The following C1QTNF6 variants were observed in gnomAD, a reference collection of about 807,000 sequenced individuals.
The protein encoded by C1QTNF6 is C1q and TNF related 6.
In C1QTNF6, 17 loss-of-function variants were observed where a neutral mutation model predicts 20.7. The ratio of observed to expected loss-of-function variants is 0.82; its 90% CI spans 0.56 to 1.23. The LOEUF is 1.23. Ranked by LOEUF, C1QTNF6 falls within the 50% of genes most tolerant of loss-of-function variation. C1QTNF6 has a pLI of 0.00. For missense variants in C1QTNF6, 329 were observed against 389.7 expected (o/e 0.84, Z 1.31); for synonymous variants, 130 against 156.3 (o/e 0.83, Z 1.25).
chr22:37,188,573 G>C (rs1007251073), upstream of C1QTNF6: 11 of 202,484 alleles, frequency 5.4e-5, no homozygotes, highest in South Asian at 3.2e-4. Context: ...CTCAGGAAGG[G>C]GGAGGCAGCC....
chr22:37,187,693 C>T (rs934839695), intron 1 of C1QTNF6, among the ~76,000 whole-genome samples: 1 of 51,010 alleles, frequency 2.0e-5, no homozygotes, highest in Non-Finnish European at 4.4e-5. Context: ...TTGGCCCCAG[C>T]GGATGGGAGT....
chr22:37,182,898 G>C, intron 2 of C1QTNF6, 163 bp from the exon 3 acceptor site: 1 of 1,435,398 alleles, frequency 7.0e-7, no homozygotes. Context: ...CCACATGCCT[G>C]CCTAAAGAAA....
upstream of C1QTNF6, among the ~76,000 whole-genome samples, chr22:37,192,338 A>T (rs1392338591): frequency 2.0e-5 from 3 of 152,202 alleles, no homozygotes; most frequent in Non-Finnish European, 4.4e-5. Context: ...AAACCTGGTA[A>T]GTAAGCAGTT....
chr22:37,182,919 C>G, intron 2 of C1QTNF6, 184 bp from the exon 3 acceptor site: 4 of 1,433,114 alleles, frequency 2.8e-6, no homozygotes, highest in Non-Finnish European at 3.6e-6. Flanking sequence ...ACATCATGAC[C>G]GTCTTCACTT....
upstream of C1QTNF6, among the ~76,000 whole-genome samples, chr22:37,193,260 C>T (rs939235197): frequency 5.3e-5 from 8 of 152,210 alleles, no homozygotes; most frequent in Non-Finnish European, 1.2e-4. Flanking sequence ...TAACACAATA[C>T]AAAACAGAGC....
At chr22:37,199,029 C>A (rs1456364907), upstream of C1QTNF6, among the ~76,000 whole-genome samples, 1 of 152,258 alleles carries the variant, frequency 6.6e-6, no homozygotes, top group Non-Finnish European at 1.5e-5. Flanking sequence ...AGCGCCAGCT[C>A]CGCGCCAGGC....
At position 37,182,152 on chromosome 22, in the gene C1QTNF6, C is replaced by G; in HGVS notation, c.*36G>C. ...GCCCTGCAGGGGACGGGACCAGCAC[C>G]TGAGCTCTCCAGCCGGGAGGGTGGC... is the stretch of plus-strand genomic sequence containing the variant. On this transcript the variant is annotated 3_prime_UTR_variant, in exon 3 of 3. Coordinates refer to ENST00000337843, the MANE Select transcript of C1QTNF6 (RefSeq NM_031910.4). The G allele has an allele frequency of 6.3e-7, 1 of 1,579,426 alleles. No individual in the cohort carries two copies. Among genetic ancestry groups the G allele is most frequent in the Non-Finnish European group, 8.6e-7 (1 of 1,161,472 alleles).
At chr22:37,187,623 G>T (rs2145771968) in intron 1 of C1QTNF6, among the ~76,000 whole-genome samples, 1 of 152,192 alleles carries the variant, frequency 6.6e-6, no homozygotes, top group African/African-American at 2.4e-5. Flanking sequence ...GCCTGCATGG[G>T]ATGGGAAGGA....
intron 1 of C1QTNF6, among the ~76,000 whole-genome samples, chr22:37,186,884 C>A (rs1329253609): frequency 1.3e-5 from 2 of 152,082 alleles, no homozygotes; most frequent in Non-Finnish European, 2.9e-5. Flanking sequence ...AAATGCCACC[C>A]TGTCTCAGCT....
intron 1 of C1QTNF6, chr22:37,196,772 A>T (rs1321352716): frequency 6.6e-6 from 1 of 152,256 alleles, no homozygotes; most frequent in Non-Finnish European, 1.5e-5. Context: ...GAGTGGGGAT[A>T]TATTTAAATC....
rs1168543390 is a variant in C1QTNF6, at chr22:37,182,152, C to T, written c.*36G>A. On this transcript the variant is annotated 3_prime_UTR_variant, in exon 3 of 3. Coordinates refer to ENST00000337843, the MANE Select transcript of C1QTNF6 (RefSeq NM_031910.4). The stretch of plus-strand genomic sequence containing the variant: ...GCCCTGCAGGGGACGGGACCAGCAC[C>T]TGAGCTCTCCAGCCGGGAGGGTGGC... The T allele has an allele frequency of 6.3e-7, 1 of 1,579,426 alleles. No homozygotes were observed. Among genetic ancestry groups the T allele is most frequent in the Non-Finnish European group, 8.6e-7 (1 of 1,161,472 alleles).
chr22:37,185,084 C>T, intron 2 of C1QTNF6, 134 bp downstream of exon 2: 1 of 1,421,986 alleles, frequency 7.0e-7, no homozygotes, highest in Non-Finnish European at 9.2e-7. Flanking sequence ...TGGAACAGAC[C>T]AGGCTCACAT....
chr22:37,192,145 C>T (rs957514445), upstream of C1QTNF6, among the ~76,000 whole-genome samples: 1 of 152,200 alleles, frequency 6.6e-6, no homozygotes, highest in Admixed American at 6.5e-5. Context: ...TAACTTGAAA[C>T]AATCCTTTAA....
At chr22:37,194,315 A>G (rs1925007109) in intron 2 of C1QTNF6, among the ~76,000 whole-genome samples, 1 of 152,224 alleles carries the variant, frequency 6.6e-6, no homozygotes, top group African/African-American at 2.4e-5. Flanking sequence ...AAAAATTCAT[A>G]GCACTAAGTA....
chr22:37,188,779 G>A (rs1169236802), upstream of C1QTNF6, among the ~76,000 whole-genome samples: 1 of 152,202 alleles, frequency 6.6e-6, no homozygotes, highest in African/African-American at 2.4e-5. Context: ...CACATGGGAG[G>A]GCTTAACCCA....
chr22:37,192,804 T>A (rs572219133), upstream of C1QTNF6, among the ~76,000 whole-genome samples: 1 of 152,292 alleles, frequency 6.6e-6, no homozygotes, highest in East Asian at 1.9e-4. Context: ...AGACAGAAGA[T>A]CCAGTAGTTG....
Position 37,181,961 on chromosome 22 carries a change from A to G in C1QTNF6, c.*227T>C, listed in dbSNP as rs1478228269. 3.5e-6 allele frequency: 2 copies of G among 563,662 alleles called. No individual in the cohort carries two copies. Among genetic ancestry groups the G allele is most frequent in the South Asian group, 4.9e-5 (2 of 41,208 alleles). The allele number at this position is 563,662 out of a possible 1,614,324, so 34.9% of individuals were successfully genotyped here. A position where few individuals can be genotyped will look rare whatever the true frequency, so the allele number is the denominator to read the frequency against. On this transcript the variant is annotated 3_prime_UTR_variant, in exon 3 of 3. Transcript: ENST00000337843. The stretch of plus-strand genomic sequence containing the variant: ...TGGGCTACGAGGCTGGGAAAGTTCT[A>G]GAATATTTAGGTTAGCAAGCTTCTT...
intron 1 of C1QTNF6, among the ~76,000 whole-genome samples, chr22:37,187,649 G>A (rs1028015703): frequency 6.6e-6 from 1 of 151,686 alleles, no homozygotes; most frequent in Non-Finnish European, 1.5e-5. Flanking sequence ...TCTCCCAGAG[G>A]ACTGGCATGG....
Position 37,184,546 on chromosome 22 carries a change from G to A in C1QTNF6, c.289+672C>T. 4 of 700,856 alleles carry A rather than the reference G, an allele frequency of 5.7e-6. No individual in the cohort carries two copies. The Admixed American group carries it at 8.1e-5, about 14-fold the overall frequency. The allele number at this position is 700,856 out of a possible 1,614,324, so 43.4% of individuals were successfully genotyped here. A position where few individuals can be genotyped will look rare whatever the true frequency, so the allele number is the denominator to read the frequency against. Reference sequence around the variant, plus strand: ...GCCCTCACCTGGACAGCCCTCACCTGGATGGCCCTCACCTGGACAGGCCCC... The same window carrying A: ...GCCCTCACCTGGACAGCCCTCACCTAGATGGCCCTCACCTGGACAGGCCCC... On this transcript the variant is annotated intron_variant, in intron 2 of 2. Transcript: ENST00000337843. The surrounding 1 kb of genome is among the most constrained non-coding windows in gnomAD (Gnocchi z 4.0).
Sources: allele counts gnomAD v4.1 joint callset (sites outside exome capture counted in the v4.1 genomes callset), GRCh38; gene constraint gnomAD v4.1.1; non-coding constraint Gnocchi (gnomAD v3.1); transcripts MANE v1.5; gene names NCBI Gene and HGNC (gene_info 2026-07-23, HGNC 2026-07-21).